Variants in SRSF4 observed in about 807,000 individuals in gnomAD.
The protein encoded by SRSF4 is serine and arginine rich splicing factor 4, also known as serine/arginine-rich splicing factor 4.
Under a neutral mutation model 48.8 loss-of-function variants are expected in SRSF4, and 12 were observed. The observed-to-expected ratio is 0.25, with a 90% confidence interval of 0.16 to 0.40. SRSF4 has a LOEUF of 0.40. Ranked by LOEUF, SRSF4 falls within the 10% of genes least tolerant of loss-of-function variation. The pLI is 1.00. For synonymous variants in SRSF4, 248 were observed against 232.5 expected (o/e 1.07, Z -0.61); for missense variants, 466 against 667.1 (o/e 0.70, Z 3.32).
chr1:29,149,023 G>C lies in SRSF4; in HGVS notation c.872C>G (p.Pro291Arg), dbSNP rs1027456405. The change falls in exon 6 of 6, where the codon CCT becomes CGT. Residue 291 changes from proline (P) to arginine (R), a missense_variant. This residue lies in a region of SRSF4 where 402 missense variants were observed against 437.0 expected (regional missense o/e 0.92). Transcript: ENST00000373795. ...DNVGKPKSRS[P>R]SRHKSKSKSR... Reference sequence around the variant, plus strand: ...TTTGCTCTTACTTTTATGCCTGCTAGGACTCCGGCTCTTGGGTTTCCCGAC... The same window carrying C: ...TTTGCTCTTACTTTTATGCCTGCTACGACTCCGGCTCTTGGGTTTCCCGAC... 4 of 1,613,424 alleles carry C rather than the reference G, an allele frequency of 2.5e-6. No individual in the cohort carries two copies. In the South Asian group the frequency reaches 3.3e-5, roughly 13 times the overall value.
In SRSF4 at chr1:29,179,535, A is replaced by AT. The variant is rs545563789; in HGVS notation, c.107+2110dup. Among the ~76,000 whole-genome samples, 10 of 152,052 alleles carry AT rather than the reference A, an allele frequency of 6.6e-5. No homozygotes were observed. The South Asian group carries it at 2.1e-3, about 32-fold the overall frequency. ...TCACCACGCGTGGCTAATTAAAAAA[A>AT]TTTTTTTCTTAGAGATGGGGTCAGG... is the stretch of plus-strand genomic sequence containing the variant. On this transcript the variant is annotated intron_variant, in intron 1 of 5. Transcript: ENST00000373795.
intron 3 of SRSF4, among the ~76,000 whole-genome samples, chr1:29,158,007 T>TA (rs1672527526): frequency 1.3e-5 from 2 of 152,080 alleles, no homozygotes; most frequent in African/African-American, 4.8e-5. Context: ...ACCCCGCCTC[T>TA]ACTAAAATAC....
At chr1:29,181,366 G>GC (rs1241179366) in intron 1 of SRSF4, among the ~76,000 whole-genome samples, 1 of 151,978 alleles carries the variant, frequency 6.6e-6, no homozygotes, top group Non-Finnish European at 1.5e-5. Flanking sequence ...CTGGAGCTGT[G>GC]CCCCCCTGCC....
At chr1:29,161,872 C>T (rs922236854) in intron 1 of SRSF4, among the ~76,000 whole-genome samples, 11 of 152,216 alleles carry the variant, frequency 7.2e-5, no homozygotes, top group African/African-American at 2.4e-4. Flanking sequence ...GGATTATAGG[C>T]GTGAGCCACT....
chr1:29,150,997 G>A (rs955683468), intron 4 of SRSF4, among the ~76,000 whole-genome samples: 7 of 152,102 alleles, frequency 4.6e-5, no homozygotes, highest in African/African-American at 1.2e-4. Context: ...TAAAGAGACC[G>A]ACAATCCAAG....
chr1:29,159,586 C>G, intron 2 of SRSF4, 100 bp from the exon 3 acceptor site: 1 of 680,696 alleles, frequency 1.5e-6, no homozygotes, highest in South Asian at 2.0e-5. Context: ...TACCCCCACC[C>G]CAAACAATAG....
At chr1:29,150,245 C>A in intron 4 of SRSF4, 53 bp from the exon 5 acceptor site, 6 of 1,263,850 alleles carry the variant, frequency 4.7e-6, no homozygotes, top group Non-Finnish European at 6.9e-6. Context: ...TGCTGATGAG[C>A]ATCAATCAAG....
Position 29,181,852 on chromosome 1 carries a change from G to C in SRSF4, c.-100C>G. ...GGCAGCGGCGGCGGCGGCAACGGGC[G>C]GGCGGCGGGACGGACGCAGCCGAAC... is the stretch of plus-strand genomic sequence containing the variant. On this transcript the variant is annotated 5_prime_UTR_variant, in exon 1 of 6. Coordinates refer to ENST00000373795, the MANE Select transcript of SRSF4 (RefSeq NM_005626.5). 2.0e-6 allele frequency: 2 copies of C among 1,022,902 alleles called. No homozygotes were observed. The highest frequency in any genetic ancestry group is 1.7e-5 in the African/African-American group (1 of 59,074). 63.4% of individuals were successfully genotyped at this position (1,022,902 alleles called of 1,614,324 possible).
intron 5 of SRSF4, among the ~76,000 whole-genome samples, chr1:29,149,708 AAAAG>A (rs1280605187): frequency 2.0e-5 from 3 of 150,900 alleles, no homozygotes; most frequent in Admixed American, 6.6e-5. Flanking sequence ...AAAAAAAAGA[AAAAG>A]AAGCTGGAAA....
At chr1:29,178,338 T>C (rs1055311992) in intron 1 of SRSF4, among the ~76,000 whole-genome samples, 4 of 135,874 alleles carry the variant, frequency 2.9e-5, no homozygotes, top group Admixed American at 1.5e-4. Flanking sequence ...AAAATCTGTT[T>C]CTGAGTTTCA....
chr1:29,164,689 G>A lies in SRSF4; in HGVS notation c.108-4172C>T, dbSNP rs138109562. Among the ~76,000 whole-genome samples, 42 of 152,188 alleles carry A rather than the reference G, an allele frequency of 2.8e-4. No homozygotes were observed. In the East Asian group the frequency reaches 6.6e-3, roughly 24 times the overall value. The stretch of plus-strand genomic sequence containing the variant: ...TAATTCATAGGATGCAGGAATTCAG[G>A]AGAAAGAATCTAAGACAAATGTAAA... On this transcript the variant is annotated intron_variant, in intron 1 of 5. Transcript: ENST00000373795.
At chr1:29,158,125 C>T (rs925523379) in intron 3 of SRSF4, among the ~76,000 whole-genome samples, 6 of 151,414 alleles carry the variant, frequency 4.0e-5, no homozygotes, top group Admixed American at 1.3e-4. Flanking sequence ...GCTGAGATGG[C>T]GCCACTGCAC....
Position 29,147,938 on chromosome 1 carries a change from G to T in SRSF4, c.*472C>A. On this transcript the variant is annotated 3_prime_UTR_variant, in exon 6 of 6. Transcript: ENST00000373795. ...GTTACTGCAGGTATCAATTTTCCTC[G>T]ACTGTGCTATTCACAACTTTGTTAA... 2.7e-6 allele frequency: 1 copy of T among 369,050 alleles called. No individual in the cohort carries two copies. Among genetic ancestry groups the T allele is most frequent in the Non-Finnish European group, 5.5e-6 (1 of 181,302 alleles). 22.9% of individuals were successfully genotyped at this position (369,050 alleles called of 1,614,324 possible).
At chr1:29,165,766 A>AG (rs1235247618) in intron 1 of SRSF4, 2 of 152,290 alleles carry the variant, frequency 1.3e-5, no homozygotes, top group African/African-American at 4.8e-5. Flanking sequence ...TATGAGGAGC[A>AG]GGGGAAAGCA....
intron 4 of SRSF4, 190 bp downstream of exon 4, chr1:29,154,506 G>C: frequency 1.6e-6 from 1 of 612,342 alleles, no homozygotes; most frequent in East Asian, 2.9e-5. Flanking sequence ...TAAGAGAAGG[G>C]ACTTCTATTT....
intron 1 of SRSF4, among the ~76,000 whole-genome samples, chr1:29,175,694 C>CAAAAAAAAAAAAA (rs60942124): frequency 5.2e-5 from 2 of 38,588 alleles, no homozygotes; most frequent in African/African-American, 2.6e-4. Context: ...GACGCTGTCT[C>CAAAAAAAAAAAAA]AAAAAAAAAA....
chr1:29,155,043 T>C (rs184732030), intron 3 of SRSF4, 133 bp from the exon 4 acceptor site: 2 of 810,948 alleles, frequency 2.5e-6, no homozygotes, highest in East Asian at 2.7e-5. Context: ...AATATTTTCA[T>C]CTACCCATCA....
At chr1:29,169,165 A>G (rs1221256679) in intron 1 of SRSF4, 1 of 152,166 alleles carries the variant, frequency 6.6e-6, no homozygotes, top group Non-Finnish European at 1.5e-5. Context: ...AATTTTCACA[A>G]CTCTGAGGTT....
intron 1 of SRSF4, among the ~76,000 whole-genome samples, chr1:29,181,019 G>A (rs1261204579): frequency 2.0e-5 from 3 of 152,220 alleles, no homozygotes; most frequent in Admixed American, 6.5e-5. Context: ...AAGATAAGAA[G>A]TTAAGACTTT....
Sources: gnomAD v4.1 joint callset for allele counts (sites outside exome capture counted in the v4.1 genomes callset) on GRCh38, gnomAD v4.1.1 for gene constraint, gnomAD v4.1.1 regional missense constraint, MANE v1.5 for transcripts, NCBI Gene and HGNC (gene_info 2026-07-23, HGNC 2026-07-21) for gene names.